The following CNTNAP4 variants were observed in gnomAD, a reference collection of about 807,000 sequenced individuals.
CNTNAP4 encodes contactin associated protein family member 4, also known as contactin-associated protein-like 4.
A neutral mutation model predicts 148.4 loss-of-function variants in CNTNAP4; 98 were observed. That is an observed-to-expected ratio of 0.66 (90% CI 0.56 to 0.78). The LOEUF is 0.78. Ranked by LOEUF, CNTNAP4 falls within the 30% of genes least tolerant of loss-of-function variation. The pLI, the probability that CNTNAP4 is intolerant of heterozygous loss-of-function variation, is 0.00. For synonymous variants in CNTNAP4, 730 were observed against 565.1 expected (o/e 1.29, Z -4.14); for missense variants, 1,935 against 1,565.6 (o/e 1.24, Z -3.98).
intron 6 of CNTNAP4, among the ~76,000 whole-genome samples, 171 bp downstream of exon 6, chr16:76,449,122 A>T (rs1506825): frequency 0.36 from 55,317 of 152,056 alleles, 11,057 homozygotes; most frequent in Middle Eastern, 0.5. Context: ...ATAGTACTTG[A>T]ACCTTCATCT....
At chr16:76,355,552 G>T in intron 3 of CNTNAP4, 41 bp downstream of exon 3, 1 of 1,475,574 alleles carries the variant, frequency 6.8e-7, no homozygotes. Context: ...CGGGGAAAAA[G>T]TATAATCAGT....
chr16:76,514,881 ATAAT>A (rs2083186164), intron 15 of CNTNAP4, among the ~76,000 whole-genome samples: 1 of 152,202 alleles, frequency 6.6e-6, no homozygotes, highest in African/African-American at 2.4e-5. Flanking sequence ...TTATTTAAAA[ATAAT>A]TCATGTGTTT....
At chr16:76,361,033 C>T (rs1013129234) in intron 3 of CNTNAP4, among the ~76,000 whole-genome samples, 2 of 151,762 alleles carry the variant, frequency 1.3e-5, no homozygotes, top group Admixed American at 6.6e-5. Flanking sequence ...CCACGTTAGC[C>T]AGGATGGCCT....
intron 2 of CNTNAP4, among the ~76,000 whole-genome samples, chr16:76,338,701 G>T (rs1171101047): frequency 6.6e-6 from 1 of 152,160 alleles, no homozygotes; most frequent in Non-Finnish European, 1.5e-5. Flanking sequence ...CTGAGATGAA[G>T]AACAGACCCT....
chr16:76,299,285 C>T (rs2143912342), intron 1 of CNTNAP4, among the ~76,000 whole-genome samples: 1 of 152,182 alleles, frequency 6.6e-6, no homozygotes, highest in Non-Finnish European at 1.5e-5. Context: ...CTATAATGAG[C>T]TCAAACAAAT....
Position 76,366,383 on chromosome 16 carries a change from A to G in CNTNAP4, c.390+10872A>G, listed in dbSNP as rs147321601. 1.1e-3 allele frequency among the ~76,000 whole-genome samples: 172 copies of G among 152,220 alleles called. 4 individuals carry two copies. In the East Asian group the frequency reaches 0.03, roughly 27 times the overall value. On this transcript the variant is annotated intron_variant, in intron 3 of 23. Transcript: ENST00000611870. The stretch of plus-strand genomic sequence containing the variant: ...CCACTTATAAGTAGGAACATATAGC[A>G]TTTGGTTTTCTGTTCGTGCATTAGT...
At chr16:76,435,935 C>A (rs1307710047) in intron 4 of CNTNAP4, among the ~76,000 whole-genome samples, 1 of 152,138 alleles carries the variant, frequency 6.6e-6, no homozygotes, top group East Asian at 1.9e-4. Flanking sequence ...AATATCCATT[C>A]CCATCCCTGT....
At chr16:76,467,923 A>G (rs1332759694) in intron 10 of CNTNAP4, among the ~76,000 whole-genome samples, 1 of 152,190 alleles carries the variant, frequency 6.6e-6, no homozygotes, top group Admixed American at 6.5e-5. Flanking sequence ...TCAAACTGGC[A>G]TTTGCTACCC....
In CNTNAP4 at chr16:76,559,325, G is replaced by T. The variant is rs1349225819; in HGVS notation, c.*642G>T. ...TGAATACATTTGGTTTTGAGTCTCA[G>T]ACTTCAACTCTGAACATACAAGTTG... is the stretch of plus-strand genomic sequence containing the variant. On this transcript the variant is annotated 3_prime_UTR_variant, in exon 24 of 24. Transcript: ENST00000611870. The T allele has an allele frequency of 6.6e-6, 1 of 152,080 alleles. No individual in the cohort carries two copies. The highest frequency in any genetic ancestry group is 2.4e-5 in the African/African-American group (1 of 41,416). 9.4% of individuals were successfully genotyped at this position (152,080 alleles called of 1,614,324 possible).
At position 76,471,512 on chromosome 16, in the gene CNTNAP4, C is replaced by T. The variant is rs149890116; in HGVS notation, c.1655+3989C>T. On this transcript the variant is annotated intron_variant, in intron 10 of 23. Transcript: ENST00000611870. ...TCCTTGCCTCCAGCCTCTGCACCTCCGTCACCTGTCCTTCCAATCCACCCC... is the reference window on the plus strand; with the variant it reads ...TCCTTGCCTCCAGCCTCTGCACCTCTGTCACCTGTCCTTCCAATCCACCCC... Among the ~76,000 whole-genome samples the T allele has an allele frequency of 1.2e-3, 183 of 152,228 alleles. 1 individual carries two copies. Among genetic ancestry groups the T allele is most frequent in the African/African-American group, 4.2e-3 (173 of 41,530 alleles).
At chr16:76,449,007 C>T in intron 6 of CNTNAP4, 56 bp downstream of exon 6, 1 of 1,507,050 alleles carries the variant, frequency 6.6e-7, no homozygotes, top group African/African-American at 1.4e-5. Context: ...GTGGTTTAAT[C>T]TCCCAGAGGA....
At chr16:76,376,268 C>G (rs904938542) in intron 3 of CNTNAP4, among the ~76,000 whole-genome samples, 2 of 152,160 alleles carry the variant, frequency 1.3e-5, no homozygotes, top group Non-Finnish European at 2.9e-5. Context: ...GAGTAGATGT[C>G]TCACTGAGTG....
rs367572927 is a variant in CNTNAP4, at chr16:76,464,641, C to G, written c.1483+2536C>G. 3.9e-5 allele frequency among the ~76,000 whole-genome samples: 6 copies of G among 152,142 alleles called. No homozygotes were observed. The East Asian group carries it at 7.7e-4, about 20-fold the overall frequency. On this transcript the variant is annotated intron_variant, in intron 9 of 23. Coordinates refer to ENST00000611870, the MANE Select transcript of CNTNAP4 (RefSeq NM_033401.5). ...CTCTCTAAATTTAACTGCAAGTTTC[C>G]AGTTATTTTATCTGGGCTGTTCCAA...
At chr16:76,369,958 C>G (rs926934797) in intron 3 of CNTNAP4, among the ~76,000 whole-genome samples, 4 of 152,164 alleles carry the variant, frequency 2.6e-5, no homozygotes, top group South Asian at 2.1e-4. Flanking sequence ...GAGGGCAGGT[C>G]TCTTTACTCA....
intron 3 of CNTNAP4, among the ~76,000 whole-genome samples, chr16:76,425,635 G>A (rs2079362790): frequency 6.6e-6 from 1 of 152,076 alleles, no homozygotes; most frequent in Admixed American, 6.6e-5. Flanking sequence ...GATCAAAAAG[G>A]GCCTGTCTTG....
chr16:76,370,259 C>G (rs1353754933), intron 3 of CNTNAP4, among the ~76,000 whole-genome samples: 3 of 144,520 alleles, frequency 2.1e-5, no homozygotes, highest in African/African-American at 8.7e-5. Flanking sequence ...ATATGTGCAG[C>G]ATGTCATCTA....
chr16:76,467,392 A>C lies in CNTNAP4; in HGVS notation c.1524A>C (p.Pro508=), dbSNP rs1269931869. 6.2e-7 allele frequency: 1 copy of C among 1,613,902 alleles called. No homozygotes were observed. The highest frequency in any genetic ancestry group is 8.5e-7 in the Non-Finnish European group (1 of 1,179,844). Residue 508 remains proline, a synonymous_variant, in exon 10 of 24, where the codon CCA becomes CCC. Coordinates refer to ENST00000611870, the MANE Select transcript of CNTNAP4 (RefSeq NM_033401.5). ...DKSFGSKCKS[P]LGGFQGCMRL... ...GCTTTGGATCCAAATGTAAAAGTCCACTTGGTGGATTTCAGGGATGTATGA... is the reference window on the plus strand; with the variant it reads ...GCTTTGGATCCAAATGTAAAAGTCCCCTTGGTGGATTTCAGGGATGTATGA...
chr16:76,348,690 C>G (rs372525915), intron 2 of CNTNAP4, among the ~76,000 whole-genome samples: 2 of 152,194 alleles, frequency 1.3e-5, no homozygotes, highest in East Asian at 1.9e-4. Flanking sequence ...AGCCTGAACG[C>G]TGGATTTAGC....
chr16:76,310,017 C>A, intron 1 of CNTNAP4: 2 of 621,318 alleles, frequency 3.2e-6, no homozygotes, highest in Non-Finnish European at 5.8e-6. Context: ...TATTTGGCTT[C>A]TTGCACTGGT....
Sources: allele counts gnomAD v4.1 joint callset (sites outside exome capture counted in the v4.1 genomes callset), GRCh38; gene constraint gnomAD v4.1.1; transcripts MANE v1.5; gene names NCBI Gene and HGNC (gene_info 2026-07-23, HGNC 2026-07-21).